DNM3: variants seen among roughly 807,000 people sequenced by gnomAD.
The protein encoded by DNM3 is dynamin-3.
In DNM3, 47 loss-of-function variants were observed where a neutral mutation model predicts 101.6. The ratio of observed to expected loss-of-function variants is 0.46; its 90% CI spans 0.37 to 0.59. The LOEUF is 0.59. Among genes scored for constraint, DNM3 ranks in the 20% least tolerant of loss-of-function variants. The pLI is 0.00. For synonymous variants in DNM3, 385 were observed against 387.9 expected (o/e 0.99, Z 0.09); for missense variants, 849 against 1,085.7 (o/e 0.78, Z 3.06).
At chr1:172,387,516 G>A (rs917110892) in intron 19 of DNM3, among the ~76,000 whole-genome samples, 157 bp downstream of exon 19, 9 of 151,988 alleles carry the variant, frequency 5.9e-5, no homozygotes, top group East Asian at 1.9e-4. Context: ...AAAATTAGCC[G>A]GGCGTGGTGG....
intron 10 of DNM3, among the ~76,000 whole-genome samples, chr1:172,066,103 G>GGCCT (rs1485583059): frequency 2.0e-5 from 3 of 152,124 alleles, no homozygotes; most frequent in African/African-American, 7.2e-5. Flanking sequence ...TGAGTTTGGA[G>GGCCT]AAATATTACA....
chr1:172,125,484 G>A (rs74340560), intron 13 of DNM3, among the ~76,000 whole-genome samples: 2,230 of 152,232 alleles, frequency 0.015, 28 homozygotes, highest in Non-Finnish European at 0.019. Context: ...TAGCATGGAG[G>A]AAACTAACAG....
At chr1:172,164,694 G>A (rs1201256595) in intron 14 of DNM3, among the ~76,000 whole-genome samples, 2 of 152,028 alleles carry the variant, frequency 1.3e-5, no homozygotes, top group African/African-American at 4.8e-5. Context: ...GTAAACCAGA[G>A]GGACAGCTAT....
At chr1:171,875,813 C>CTCTTTTTTTTTT (rs764794980) in intron 1 of DNM3, among the ~76,000 whole-genome samples, 1 of 104,682 alleles carries the variant, frequency 9.6e-6, no homozygotes, top group Non-Finnish European at 1.8e-5. Context: ...AGTTGTCTCT[C>CTCTTTTTTTTTT]TTTTTTTTTT....
At chr1:172,307,526 A>G (rs2064886912) in intron 15 of DNM3, among the ~76,000 whole-genome samples, 1 of 152,240 alleles carries the variant, frequency 6.6e-6, no homozygotes, top group African/African-American at 2.4e-5. Flanking sequence ...ATTACTGAGT[A>G]TATACCCGAA....
At chr1:172,113,760 C>T (rs751697391) in intron 13 of DNM3, among the ~76,000 whole-genome samples, 3 of 151,990 alleles carry the variant, frequency 2.0e-5, no homozygotes, top group Non-Finnish European at 2.9e-5. Context: ...CATCCTGCAT[C>T]GTGTGGCATC....
At chr1:172,109,061 C>T (rs1450527869) in intron 13 of DNM3, among the ~76,000 whole-genome samples, 1 of 152,128 alleles carries the variant, frequency 6.6e-6, no homozygotes, top group Non-Finnish European at 1.5e-5. Flanking sequence ...GTTTTGCCAT[C>T]TCCAGCCCCT....
chr1:172,357,317 C>T (rs2067504812), intron 17 of DNM3, among the ~76,000 whole-genome samples: 1 of 151,960 alleles, frequency 6.6e-6, no homozygotes, highest in South Asian at 2.1e-4. Context: ...AGAAACTTTA[C>T]AGTGGAGAAA....
intron 17 of DNM3, among the ~76,000 whole-genome samples, chr1:172,337,866 T>TTTTATTTTTATTTTATTTTATTTTA (rs2066501774): frequency 8.8e-6 from 1 of 113,130 alleles, no homozygotes; most frequent in African/African-American, 3.3e-5. Context: ...TTTTATTTTA[T>TTTTATTTTTATTTTATTTTATTTTA]TTTTATTTTA....
chr1:171,990,247 T>C (rs1369612156), intron 4 of DNM3, among the ~76,000 whole-genome samples: 1 of 152,174 alleles, frequency 6.6e-6, no homozygotes. Flanking sequence ...GTTAGAGACC[T>C]TTTTCAAATG....
At chr1:172,064,364 T>A (rs1401775064) in intron 10 of DNM3, among the ~76,000 whole-genome samples, 1 of 152,126 alleles carries the variant, frequency 6.6e-6, no homozygotes, top group Non-Finnish European at 1.5e-5. Context: ...ACAATTATAA[T>A]GGTATAAATG....
chr1:172,105,325 T>C (rs1238829956), intron 13 of DNM3, among the ~76,000 whole-genome samples: 2 of 152,194 alleles, frequency 1.3e-5, no homozygotes, highest in Non-Finnish European at 2.9e-5. Flanking sequence ...AGTTTTCCTG[T>C]TTTATAAATG....
At chr1:172,413,965 T>C (rs2071339419), downstream of DNM3, among the ~76,000 whole-genome samples, 2 of 152,244 alleles carry the variant, frequency 1.3e-5, no homozygotes, top group Admixed American at 1.3e-4. Context: ...TTTTGAAGTA[T>C]GTTAATCATA....
At chr1:172,096,978 A>G (rs2054286111) in intron 13 of DNM3, among the ~76,000 whole-genome samples, 1 of 152,166 alleles carries the variant, frequency 6.6e-6, no homozygotes, top group South Asian at 2.1e-4. Flanking sequence ...TTCAGAGGGT[A>G]GAATTGGAAG....
intron 15 of DNM3, among the ~76,000 whole-genome samples, chr1:172,299,292 T>A (rs180776252): frequency 1.3e-5 from 2 of 152,352 alleles, no homozygotes; most frequent in East Asian, 3.9e-4. Flanking sequence ...TGGGCCATCA[T>A]AGGGAGTGTG....
intron 13 of DNM3, among the ~76,000 whole-genome samples, chr1:172,094,243 G>A (rs2054099860): frequency 6.6e-6 from 1 of 152,084 alleles, no homozygotes; most frequent in Non-Finnish European, 1.5e-5. Context: ...GAAAAGCAAA[G>A]TTATAGTGAT....
intron 14 of DNM3, among the ~76,000 whole-genome samples, chr1:172,149,826 T>C (rs2058061285): frequency 6.6e-6 from 1 of 152,074 alleles, no homozygotes; most frequent in South Asian, 2.1e-4. Flanking sequence ...GAAACTACTT[T>C]TTTTTTTGCA....
intron 15 of DNM3, among the ~76,000 whole-genome samples, chr1:172,305,468 T>C (rs563145480): frequency 6.6e-6 from 1 of 152,362 alleles, no homozygotes; most frequent in African/African-American, 2.4e-5. Context: ...GAGGAACTGG[T>C]AGCATTCCTT....
At chr1:172,031,474 T>G (rs1267381811) in intron 4 of DNM3, among the ~76,000 whole-genome samples, 1 of 151,918 alleles carries the variant, frequency 6.6e-6, no homozygotes, top group Non-Finnish European at 1.5e-5. Flanking sequence ...ACCTAGATGA[T>G]GGGTTGATAG....
Sources: allele counts gnomAD v4.1 joint callset (sites outside exome capture counted in the v4.1 genomes callset), GRCh38; gene constraint gnomAD v4.1.1; transcripts MANE v1.5; gene names NCBI Gene and HGNC (gene_info 2026-07-23, HGNC 2026-07-21).